NEK2: variants seen among roughly 807,000 people sequenced by gnomAD.
The protein encoded by NEK2 is serine/threonine-protein kinase Nek2.
In NEK2, 28 loss-of-function variants were observed where a neutral mutation model predicts 54.1. The observed-to-expected ratio is 0.52, with a 90% confidence interval of 0.38 to 0.71. The LOEUF is 0.71. Ranked by LOEUF, NEK2 falls within the 30% of genes least tolerant of loss-of-function variation. The pLI is 0.00. For synonymous variants in NEK2, 176 were observed against 193.1 expected (o/e 0.91, Z 0.73); for missense variants, 407 against 531.5 (o/e 0.77, Z 2.30).
downstream of NEK2, among the ~76,000 whole-genome samples, chr1:211,661,507 C>A (rs934510416): frequency 6.6e-6 from 1 of 152,168 alleles, no homozygotes; most frequent in Non-Finnish European, 1.5e-5. Flanking sequence ...CTGCAAAGTG[C>A]AGCAAATCTT....
At chr1:211,668,149 T>C (rs528066145) in intron 6 of NEK2, among the ~76,000 whole-genome samples, 5 of 152,332 alleles carry the variant, frequency 3.3e-5, no homozygotes, top group African/African-American at 9.6e-5. Context: ...GTTGTACCTA[T>C]ACAGTAAGCA....
chr1:211,670,851 A>T (rs554639679), intron 4 of NEK2, among the ~76,000 whole-genome samples: 60 of 128,710 alleles, frequency 4.7e-4, no homozygotes, highest in African/African-American at 1.5e-3. Context: ...TGCTCTACAG[A>T]TCCCCAGACC....
rs186384498 is a variant in NEK2 at position 211,670,433 on chromosome 1, C to T, written c.639-26G>A. The T allele has an allele frequency of 1.2e-4, 195 of 1,587,242 alleles. No individual in the cohort carries two copies. The East Asian group carries it at 3.8e-3, about 31-fold the overall frequency. ...CTAGGGTTAAAAAAGAAGAAGAAGA[C>T]GACGAAGACATTTTCAAATTGTAAA... On this transcript the variant is annotated intron_variant, in intron 4 of 7. Transcript: ENST00000366999.
intron 2 of NEK2, 138 bp downstream of exon 2, chr1:211,674,158 C>T (rs2102447812): frequency 1.5e-6 from 1 of 672,554 alleles, no homozygotes; most frequent in Non-Finnish European, 2.5e-6. Flanking sequence ...GTTGATTCAC[C>T]AGGAATTTTC....
downstream of NEK2, chr1:211,658,719 CAAAAAAAAAAAAAAAAA>C (rs967490624): frequency 1.3e-4 from 5 of 37,566 alleles, no homozygotes; most frequent in South Asian, 8.7e-4. Context: ...GACTCTATCT[CAAAAAAAAAAAAAAAAA>C]AAAAAAAAAA....
intron 6 of NEK2, among the ~76,000 whole-genome samples, chr1:211,668,848 C>T (rs976299663): frequency 6.6e-6 from 1 of 152,088 alleles, no homozygotes; most frequent in Admixed American, 6.6e-5. Context: ...GAGTAAAATA[C>T]AAGGCTATCG....
At chr1:211,660,394 T>C, downstream of NEK2, 1 of 660,260 alleles carries the variant, frequency 1.5e-6, no homozygotes, top group Non-Finnish European at 2.9e-6. Flanking sequence ...CCCCTAATTC[T>C]CCTTCAGGAT....
chr1:211,670,467 T>C, intron 4 of NEK2, 60 bp from the exon 5 acceptor site: 1 of 1,540,920 alleles, frequency 6.5e-7, no homozygotes, highest in African/African-American at 1.4e-5. Context: ...AAAATGAAAA[T>C]ATACAATAGG....
chr1:211,671,370 G>T, intron 3 of NEK2, 86 bp from the exon 4 acceptor site: 1 of 950,144 alleles, frequency 1.1e-6, no homozygotes, highest in Non-Finnish European at 1.7e-6. Flanking sequence ...AATTACTCCT[G>T]AGATAAAAAC....
At chr1:211,663,780 C>A (rs1328782766) in intron 7 of NEK2, 128 bp from the exon 8 acceptor site, 7 of 891,920 alleles carry the variant, frequency 7.8e-6, no homozygotes, top group Admixed American at 5.4e-5. Flanking sequence ...GTTTTATTTT[C>A]TCTGGGATAG....
intron 7 of NEK2, among the ~76,000 whole-genome samples, chr1:211,664,146 C>T (rs1220933952): frequency 3.4e-5 from 5 of 148,718 alleles, no homozygotes; most frequent in Non-Finnish European, 5.9e-5. Flanking sequence ...TCTTAATGGA[C>T]GAGAAATCTG....
intron 6 of NEK2, among the ~76,000 whole-genome samples, chr1:211,668,646 A>G (rs578157012): frequency 6.6e-6 from 1 of 152,240 alleles, no homozygotes; most frequent in Non-Finnish European, 1.5e-5. Flanking sequence ...AAAAAAAAAG[A>G]AAAGAATTGC....
Position 211,673,694 on chromosome 1 carries a change from C to T in NEK2, c.344G>A (p.Arg115Gln), listed in dbSNP as rs766507035. Residue 115 changes from arginine (R) to glutamine (Q), a missense_variant, in exon 3 of 8, where the codon CGA becomes CAA. By Grantham distance (43) the Arg-to-Gln change is conservative. Transcript: ENST00000366999. Reference protein sequence around the residue: ...RQYLDEEFVLRVMTQLTLALK... With the variant: ...RQYLDEEFVLQVMTQLTLALK... The stretch of plus-strand genomic sequence containing the variant: ...GGCCAGAGTCAACTGAGTCATCACT[C>T]GAAGAACAAACTCTTCATCTAAGTA... 8.1e-6 allele frequency: 13 copies of T among 1,613,896 alleles called. No individual in the cohort carries two copies. The highest frequency in any genetic ancestry group is 2.2e-5 in the South Asian group (2 of 91,078).
chr1:211,661,918 C>G (rs79379677), downstream of NEK2, among the ~76,000 whole-genome samples: 1 of 152,156 alleles, frequency 6.6e-6, no homozygotes, highest in Non-Finnish European at 1.5e-5. Flanking sequence ...ATTTCTTGTA[C>G]TTTTCACCTG....
chr1:211,669,099 C>G lies in NEK2; in HGVS notation c.985+14G>C, dbSNP rs769903507. 3 of 1,610,926 alleles carry G rather than the reference C, an allele frequency of 1.9e-6. No homozygotes were observed. The highest frequency in any genetic ancestry group is 2.5e-6 in the Non-Finnish European group (3 of 1,177,572). On this transcript the variant is annotated intron_variant, in intron 6 of 7. Transcript: ENST00000366999. ...TGGTAGTTCTCCTTTGCTTTGACCCCCATTCAGACTTACGCTCCAATCTTT... is the reference window on the plus strand; with the variant it reads ...TGGTAGTTCTCCTTTGCTTTGACCCGCATTCAGACTTACGCTCCAATCTTT...
At chr1:211,660,553 A>G (rs1654991459), downstream of NEK2, 1 of 632,328 alleles carries the variant, frequency 1.6e-6, no homozygotes. Flanking sequence ...GAACTCTCCC[A>G]TCTCCAGCAG....
chr1:211,668,137 AG>A (rs1013487966), intron 6 of NEK2, among the ~76,000 whole-genome samples: 3 of 152,222 alleles, frequency 2.0e-5, no homozygotes, highest in African/African-American at 7.2e-5. Context: ...AAGTAAGTAT[AG>A]GTTGTACCTA....
At chr1:211,667,288 A>C (rs1655211741) in intron 6 of NEK2, 57 bp from the exon 7 acceptor site, 1 of 1,529,340 alleles carries the variant, frequency 6.5e-7, no homozygotes, top group Non-Finnish European at 8.8e-7. Flanking sequence ...TGACTAAAAA[A>C]CAATTTACAT....
At chr1:211,673,932 C>T (rs922728624) in intron 2 of NEK2, among the ~76,000 whole-genome samples, 3 of 152,080 alleles carry the variant, frequency 2.0e-5, no homozygotes, top group African/African-American at 7.2e-5. Flanking sequence ...TCAAGCAATC[C>T]TCTTGCCTTA....
Sources: allele counts gnomAD v4.1 joint callset (sites outside exome capture counted in the v4.1 genomes callset), GRCh38; gene constraint gnomAD v4.1.1; transcripts MANE v1.5; gene names NCBI Gene and HGNC (gene_info 2026-07-23, HGNC 2026-07-21).